The following MRGPRF variants were observed in gnomAD, a reference collection of about 807,000 sequenced individuals.
MRGPRF encodes mas-related G protein-coupled receptor member F.
In MRGPRF, 2 loss-of-function variants were observed where a neutral mutation model predicts 3.3. That is an observed-to-expected ratio of 0.61 (90% CI 0.25 to 1.92). The LOEUF is 1.92. MRGPRF is among the 40% of genes most tolerant of loss of function. MRGPRF has a pLI of 0.16. For synonymous variants in MRGPRF, 242 were observed against 222.7 expected (o/e 1.09, Z -0.77); for missense variants, 500 against 476.0 (o/e 1.05, Z -0.47).
chr11:69,010,760 ATGGGAGGCCTGGGGTAGGGGGTGACCCTG>A (rs1255359115), intron 1 of MRGPRF, among the ~76,000 whole-genome samples: 1 of 152,026 alleles, frequency 6.6e-6, no homozygotes. Context: ...AGGGCTGCCA[ATGGGAGGCCTGGGGTAGGGGGTGACCCTG>A]CTGGAGGCTG....
At position 69,005,081 on chromosome 11, in the gene MRGPRF, C is replaced by A; in HGVS notation, c.*197G>T. On this transcript the variant is annotated 3_prime_UTR_variant, in exon 3 of 3. Transcript: ENST00000309099. Reference sequence around the variant, plus strand: ...ATGGGTGGGGGAGCCGGGCAGGGGCCACAGGGTCTGTTTGCTGGTGGCTGC... The same window carrying A: ...ATGGGTGGGGGAGCCGGGCAGGGGCAACAGGGTCTGTTTGCTGGTGGCTGC... The A allele has an allele frequency of 1.6e-6, 1 of 643,162 alleles. No individual in the cohort carries two copies. The highest frequency in any genetic ancestry group is 2.4e-5 in the South Asian group (1 of 42,210). The allele number at this position is 643,162 out of a possible 1,614,324, so 39.8% of individuals were successfully genotyped here.
intron 1 of MRGPRF, 111 bp from the exon 2 acceptor site, chr11:69,010,068 G>T: frequency 1.5e-6 from 1 of 665,534 alleles, no homozygotes; most frequent in Non-Finnish European, 2.5e-6. Flanking sequence ...CACCTTAGAG[G>T]AAAGGCAATC....
At chr11:69,010,574 T>C (rs573042713) in intron 1 of MRGPRF, among the ~76,000 whole-genome samples, 5 of 152,342 alleles carry the variant, frequency 3.3e-5, no homozygotes, top group Non-Finnish European at 7.4e-5. Context: ...TGACCAGCTA[T>C]GGGCCAGGTA....
In MRGPRF at chr11:69,006,228, A is replaced by G; in HGVS notation, c.82T>C (p.Tyr28His). 1.9e-6 allele frequency: 3 copies of G among 1,613,098 alleles called. No individual in the cohort carries two copies. Among genetic ancestry groups the G allele is most frequent in the African/African-American group, 1.3e-5 (1 of 75,054 alleles). Residue 28 changes from tyrosine (Y) to histidine (H), a missense_variant, in exon 3 of 3, where the codon TAC becomes CAC. Physicochemically the swap from Tyr to His is moderately conservative, Grantham distance 83. Coordinates refer to ENST00000309099, the MANE Select transcript of MRGPRF (RefSeq NM_145015.5). Reference protein sequence around the residue: ...CPGLSEAPELYSRGFLTIEQI... With the variant: ...CPGLSEAPELHSRGFLTIEQI... ...TCGATGGTCAGGAAGCCCCGGCTGT[A>G]GAGTTCCGGGGCCTCGCTCAGGCCA... is the stretch of plus-strand genomic sequence containing the variant.
At position 69,005,186 on chromosome 11, in the gene MRGPRF, G is replaced by A; in HGVS notation, c.*92C>T. The A allele has an allele frequency of 7.2e-7, 1 of 1,385,028 alleles. No individual in the cohort carries two copies. The highest frequency in any genetic ancestry group is 9.5e-7 in the Non-Finnish European group (1 of 1,054,102). The allele number at this position is 1,385,028 out of a possible 1,614,324, so 85.8% of individuals were successfully genotyped here. On this transcript the variant is annotated 3_prime_UTR_variant, in exon 3 of 3. Transcript: ENST00000309099. ...AGAGGAAACAGATCTTTCTTCTCCTGTATGGACTCAGAAGCAGGTGCCCAT... is the reference window on the plus strand; with the variant it reads ...AGAGGAAACAGATCTTTCTTCTCCTATATGGACTCAGAAGCAGGTGCCCAT...
intron 1 of MRGPRF, among the ~76,000 whole-genome samples, chr11:69,011,107 C>CA (rs1860586811): frequency 6.6e-6 from 1 of 152,064 alleles, no homozygotes; most frequent in African/African-American, 2.4e-5. Flanking sequence ...CTCTGCGCCG[C>CA]GCGGGTCCGC....
In MRGPRF at chr11:69,005,015, C is replaced by G. The variant is rs1330299462; in HGVS notation, c.*263G>C. ...CTAGGGCAAGGAGGGGCCCCACCAC[C>G]TGGGGGCAACTTCTGTACAAGAGGT... On this transcript the variant is annotated 3_prime_UTR_variant, in exon 3 of 3. Transcript: ENST00000309099. 3 of 436,122 alleles carry G rather than the reference C, an allele frequency of 6.9e-6. No homozygotes were observed. The highest frequency in any genetic ancestry group is 1.2e-5 in the Non-Finnish European group (3 of 250,970). 27.0% of individuals were successfully genotyped at this position (436,122 alleles called of 1,614,324 possible).
At chr11:69,011,059 G>C (rs1000849518) in intron 1 of MRGPRF, among the ~76,000 whole-genome samples, 9 of 152,136 alleles carry the variant, frequency 5.9e-5, no homozygotes, top group Admixed American at 1.3e-4. Flanking sequence ...GGGGAGAGCT[G>C]GGCATCCTGC....
intron 2 of MRGPRF, among the ~76,000 whole-genome samples, chr11:69,006,530 G>T (rs1174867269): frequency 6.6e-6 from 1 of 152,010 alleles, no homozygotes; most frequent in African/African-American, 2.4e-5. Flanking sequence ...GCACCAGACA[G>T]TGCCCAGGAA....
upstream of MRGPRF, chr11:69,013,397 C>T (rs1244866915): frequency 6.6e-6 from 1 of 152,668 alleles, no homozygotes; most frequent in Non-Finnish European, 1.5e-5. Flanking sequence ...CAGAGCCCCA[C>T]CGGGAACTCA....
chr11:69,010,719 T>C (rs1330037165), intron 1 of MRGPRF, among the ~76,000 whole-genome samples: 1 of 152,098 alleles, frequency 6.6e-6, no homozygotes, highest in African/African-American at 2.4e-5. Context: ...GAGGGACTGC[T>C]GGCATAGAGA....
At chr11:69,009,417 TG>T in intron 2 of MRGPRF, 2 of 486,976 alleles carry the variant, frequency 4.1e-6, no homozygotes, top group Admixed American at 7.5e-5. Flanking sequence ...GACCCTGGCC[TG>T]GGGCAACACT....
chr11:69,009,648 C>T lies in MRGPRF; in HGVS notation c.48+206G>A, dbSNP rs960672270. 1.6e-5 allele frequency: 11 copies of T among 681,974 alleles called. No individual in the cohort carries two copies. The African/African-American group carries it at 1.8e-4, about 11-fold the overall frequency. The allele number at this position is 681,974 out of a possible 1,614,324, so 42.2% of individuals were successfully genotyped here. On this transcript the variant is annotated intron_variant, in intron 2 of 2. Coordinates refer to ENST00000309099, the MANE Select transcript of MRGPRF (RefSeq NM_145015.5). The stretch of plus-strand genomic sequence containing the variant: ...CTTGAGGTCCAGTCCTGGTGCTTGC[C>T]TCACTGATGAGGACAGGAGGGTAGG...
At position 69,005,996 on chromosome 11, in the gene MRGPRF, C is replaced by G. The variant is rs146574383; in HGVS notation, c.314G>C (p.Gly105Ala). 1.3e-6 allele frequency: 2 copies of G among 1,566,284 alleles called. No individual in the cohort carries two copies. Among genetic ancestry groups the G allele is most frequent in the Non-Finnish European group, 1.7e-6 (2 of 1,155,288 alleles). ...SKAVFSILNT[G>A]GFLGTFADYI... is the part of the protein sequence containing the mutation. ...GTCGGCAAACGTGCCCAGGAAGCCC[C>G]CCGTGTTCAGGATGGAGAACACCGC... The change falls in exon 3 of 3, where the codon GGG (glycine) becomes GCG (alanine). Residue 105 changes from glycine (G) to alanine (A), a missense_variant. By Grantham distance (60) the Gly-to-Ala change is moderately conservative (BLOSUM62 0). Transcript: ENST00000309099.
At chr11:69,006,352 T>TGGGGGGGGGC in intron 2 of MRGPRF, 91 bp from the exon 3 acceptor site, 2 of 977,642 alleles carry the variant, frequency 2.0e-6, no homozygotes, top group Non-Finnish European at 2.9e-6. Context: ...AGGGGGGGGG[T>TGGGGGGGGGC]CCCAATTAGG....
At chr11:69,007,021 G>A (rs181747534) in intron 2 of MRGPRF, among the ~76,000 whole-genome samples, 3 of 152,334 alleles carry the variant, frequency 2.0e-5, no homozygotes, top group East Asian at 1.9e-4. Flanking sequence ...AGAGGATATC[G>A]TTGGGACCAC....
intron 2 of MRGPRF, among the ~76,000 whole-genome samples, chr11:69,006,619 CT>C (rs11326908): frequency 0.11 from 12,336 of 107,470 alleles, 378 homozygotes; most frequent in East Asian, 0.23. Flanking sequence ...GAGCCTTTCC[CT>C]TTTTTTTTTT....
Position 69,006,098 on chromosome 11 carries a change from A to C in MRGPRF, c.212T>G (p.Phe71Cys). Residue 71 changes from phenylalanine (F) to cysteine (C), a missense_variant, in exon 3 of 3, where the codon TTC (phenylalanine) becomes TGC (cysteine). Transcript: ENST00000309099. The stretch of plus-strand genomic sequence containing the variant: ...GGAGAAGGGGTTCCTCTTGATGGAG[A>C]AGCCGAAAAACCAGAGGACCAGCCC... ...GNGLVLWFFGFSIKRNPFSIY... is the reference protein window; with the variant it reads ...GNGLVLWFFGCSIKRNPFSIY... 6.2e-7 allele frequency: 1 copy of C among 1,612,860 alleles called. No individual in the cohort carries two copies. Among genetic ancestry groups the C allele is most frequent in the South Asian group, 1.1e-5 (1 of 90,808 alleles).
At chr11:69,009,668 G>A (rs1860554296) in intron 2 of MRGPRF, 186 bp downstream of exon 2, 2 of 721,106 alleles carry the variant, frequency 2.8e-6, no homozygotes, top group Non-Finnish European at 5.0e-6. Flanking sequence ...AGGACAGGAG[G>A]GTAGGAGGGT....
Sources: allele counts gnomAD v4.1 joint callset (sites outside exome capture counted in the v4.1 genomes callset), GRCh38; gene constraint gnomAD v4.1.1; transcripts MANE v1.5; gene names NCBI Gene and HGNC (gene_info 2026-07-23, HGNC 2026-07-21).